SIPA1L1: variants seen among roughly 807,000 people sequenced by gnomAD.
SIPA1L1 encodes the protein signal induced proliferation associated 1 like 1, also known as signal-induced proliferation-associated 1-like protein 1.
SIPA1L1 carries 26 observed loss-of-function variants against 162.7 expected under a neutral mutation model. The ratio of observed to expected loss-of-function variants is 0.16; its 90% CI spans 0.12 to 0.22. The LOEUF is 0.22. Ranked by LOEUF, SIPA1L1 falls within the 10% of genes least tolerant of loss-of-function variation. The probability of loss-of-function intolerance (pLI) is 1.00; values close to 1 mark genes in which losing one functional copy is unlikely to be tolerated. For missense variants in SIPA1L1, 1,874 were observed against 2,241.0 expected, an observed-to-expected ratio of 0.84 and a Z score of 3.31; for synonymous variants, 829 against 837.4, an observed-to-expected ratio of 0.99 and a Z score of 0.17.
chr14:71,539,564 T>G (rs2054199017), intron 4 of SIPA1L1, among the ~76,000 whole-genome samples: 1 of 152,246 alleles, frequency 6.6e-6, no homozygotes, highest in Non-Finnish European at 1.5e-5. Flanking sequence ...GACCATGAAG[T>G]TCTTGGCCAC....
intron 4 of SIPA1L1, among the ~76,000 whole-genome samples, chr14:71,577,216 A>G (rs760533391): frequency 6.6e-6 from 1 of 152,202 alleles, no homozygotes; most frequent in Non-Finnish European, 1.5e-5. Context: ...CTGTATCCAT[A>G]TCCACAGGAT....
chr14:71,338,963 C>T (rs1208902270), intron 2 of SIPA1L1, among the ~76,000 whole-genome samples: 3 of 152,084 alleles, frequency 2.0e-5, no homozygotes. Flanking sequence ...TGGTCTTGAA[C>T]TCCCAACCTC....
chr14:71,391,905 T>A (rs1347408023), intron 2 of SIPA1L1, among the ~76,000 whole-genome samples: 2 of 152,196 alleles, frequency 1.3e-5, no homozygotes, highest in African/African-American at 4.8e-5. Context: ...TTGAGCAGAT[T>A]CTTGCAGAGT....
intron 14 of SIPA1L1, among the ~76,000 whole-genome samples, chr14:71,699,713 C>T (rs1201063818): frequency 6.6e-6 from 1 of 152,146 alleles, no homozygotes; most frequent in Non-Finnish European, 1.5e-5. Context: ...TTCCAGGACT[C>T]TTAGATTAGG....
intron 2 of SIPA1L1, among the ~76,000 whole-genome samples, chr14:71,375,016 CT>C (rs1450113572): frequency 6.6e-6 from 1 of 152,144 alleles, no homozygotes; most frequent in Non-Finnish European, 1.5e-5. Context: ...ATTTGCTTAG[CT>C]TTCTATTTAT....
chr14:71,384,439 A>G (rs960918238), intron 2 of SIPA1L1, among the ~76,000 whole-genome samples: 5 of 152,172 alleles, frequency 3.3e-5, no homozygotes, highest in Non-Finnish European at 7.4e-5. Flanking sequence ...AGAGAACAGC[A>G]TGAGTGGTGC....
intron 12 of SIPA1L1, among the ~76,000 whole-genome samples, chr14:71,675,472 CT>C (rs1436070174): frequency 2.0e-5 from 3 of 152,236 alleles, no homozygotes; most frequent in African/African-American, 7.2e-5. Flanking sequence ...TGGGAAATGC[CT>C]TGATGCCTTT....
At chr14:71,513,292 T>C (rs1402388620) in intron 3 of SIPA1L1, among the ~76,000 whole-genome samples, 1 of 152,164 alleles carries the variant, frequency 6.6e-6, no homozygotes, top group African/African-American at 2.4e-5. Flanking sequence ...ACTTGGTTGT[T>C]GTGGAACTCC....
At chr14:71,353,893 C>T (rs1476393588) in intron 2 of SIPA1L1, among the ~76,000 whole-genome samples, 1 of 151,896 alleles carries the variant, frequency 6.6e-6, no homozygotes, top group Admixed American at 6.6e-5. Context: ...TGCCAGCCAT[C>T]TGCTTGTATT....
intron 2 of SIPA1L1, among the ~76,000 whole-genome samples, chr14:71,495,522 C>G (rs2049676594): frequency 1.3e-5 from 2 of 151,382 alleles, no homozygotes; most frequent in Admixed American, 1.3e-4. Context: ...GGATAATTTT[C>G]TTTTTTTCTT....
intron 2 of SIPA1L1, among the ~76,000 whole-genome samples, chr14:71,390,642 G>A (rs773980171): frequency 6.6e-6 from 1 of 152,064 alleles, no homozygotes; most frequent in East Asian, 1.9e-4. Context: ...AAAATTAGCC[G>A]TGCATGATGG....
At chr14:71,572,079 G>T (rs1388731483) in intron 4 of SIPA1L1, among the ~76,000 whole-genome samples, 1 of 152,074 alleles carries the variant, frequency 6.6e-6, no homozygotes, top group Non-Finnish European at 1.5e-5. Flanking sequence ...CATGCTGAGG[G>T]GCTGAGCCTC....
chr14:71,668,109 A>G (rs1424407282), intron 10 of SIPA1L1, among the ~76,000 whole-genome samples: 1 of 152,200 alleles, frequency 6.6e-6, no homozygotes, highest in Non-Finnish European at 1.5e-5. Context: ...GTCAGCTTGA[A>G]GTTGGCTTTG....
intron 2 of SIPA1L1, among the ~76,000 whole-genome samples, chr14:71,506,816 CTT>C (rs78108179): frequency 1.4e-5 from 2 of 139,376 alleles, no homozygotes; most frequent in African/African-American, 2.6e-5. Flanking sequence ...ATTTTGTAAT[CTT>C]TTTTTTTTTT....
At chr14:71,667,331 C>T (rs890873475) in intron 10 of SIPA1L1, among the ~76,000 whole-genome samples, 1 of 152,166 alleles carries the variant, frequency 6.6e-6, no homozygotes, top group Non-Finnish European at 1.5e-5. Context: ...AAGTGCCTTT[C>T]CTAAGTGCTA....
At chr14:71,694,230 G>T (rs867136634) in intron 13 of SIPA1L1, among the ~76,000 whole-genome samples, 1 of 152,128 alleles carries the variant, frequency 6.6e-6, no homozygotes, top group Non-Finnish European at 1.5e-5. Flanking sequence ...AAATCCGTGT[G>T]TGTGTGCGTG....
At chr14:71,445,598 A>C (rs537687085) in intron 2 of SIPA1L1, among the ~76,000 whole-genome samples, 1 of 152,336 alleles carries the variant, frequency 6.6e-6, no homozygotes, top group East Asian at 1.9e-4. Flanking sequence ...TATGTACTAT[A>C]TGGAGTCATG....
chr14:71,714,787 G>T (rs2083141224), intron 17 of SIPA1L1, among the ~76,000 whole-genome samples: 1 of 152,058 alleles, frequency 6.6e-6, no homozygotes, highest in Non-Finnish European at 1.5e-5. Context: ...TCATCATGTT[G>T]CCCAGGCTGG....
At chr14:71,426,810 A>C (rs1302681465) in intron 2 of SIPA1L1, among the ~76,000 whole-genome samples, 5 of 152,096 alleles carry the variant, frequency 3.3e-5, no homozygotes, top group Non-Finnish European at 5.9e-5. Context: ...TACCAGCTTA[A>C]CTACATAAAC....
Sources: gnomAD v4.1 joint callset for allele counts (sites outside exome capture counted in the v4.1 genomes callset) on GRCh38, gnomAD v4.1.1 for gene constraint, MANE v1.5 for transcripts, NCBI Gene and HGNC (gene_info 2026-07-23, HGNC 2026-07-21) for gene names.